SULF1: variants seen among roughly 807,000 people sequenced by gnomAD.
SULF1 encodes the protein sulfatase 1.
In SULF1, 46 loss-of-function variants were observed where a neutral mutation model predicts 110.5. That is an observed-to-expected ratio of 0.42 (90% CI 0.33 to 0.53). SULF1 has a LOEUF of 0.53. Among genes scored for constraint, SULF1 ranks in the 20% least tolerant of loss-of-function variants. The probability of loss-of-function intolerance (pLI) is 0.12; values close to 1 mark genes in which losing one functional copy is unlikely to be tolerated. For synonymous variants in SULF1, 371 were observed against 387.1 expected, an observed-to-expected ratio of 0.96 and a Z score of 0.49; for missense variants, 941 against 1,094.2, an observed-to-expected ratio of 0.86 and a Z score of 1.98.
chr8:69,528,725 G>C (rs1309596812), intron 3 of SULF1, among the ~76,000 whole-genome samples: 3 of 152,200 alleles, frequency 2.0e-5, no homozygotes, highest in African/African-American at 7.2e-5. Context: ...CATTAGTCCT[G>C]ATGAGACATA....
Position 69,499,916 on chromosome 8 carries a change from G to T in SULF1, c.-228-1958G>T, listed in dbSNP as rs534880077. 6.6e-5 allele frequency among the ~76,000 whole-genome samples: 10 copies of T among 151,974 alleles called. No homozygotes were observed. In the East Asian group the frequency reaches 1.7e-3, roughly 26 times the overall value. On this transcript the variant is annotated intron_variant, in intron 2 of 22. Coordinates refer to ENST00000402687, the MANE Select transcript of SULF1 (RefSeq NM_001128205.2). The stretch of plus-strand genomic sequence containing the variant: ...AGGTGCACACCACCACACCCAGCTA[G>T]TTTTTAAATTTTTTGGTTGAGATGA...
intron 3 of SULF1, among the ~76,000 whole-genome samples, chr8:69,528,370 A>G (rs1345681601): frequency 6.6e-6 from 1 of 152,182 alleles, no homozygotes; most frequent in Non-Finnish European, 1.5e-5. Flanking sequence ...CACTACCCAA[A>G]TAGGAATGGG....
intron 8 of SULF1, among the ~76,000 whole-genome samples, chr8:69,598,136 T>C (rs967384256): frequency 3.3e-5 from 5 of 152,050 alleles, no homozygotes; most frequent in African/African-American, 1.2e-4. Context: ...GGGGGACCAT[T>C]TGGTTAACGA....
intron 3 of SULF1, among the ~76,000 whole-genome samples, chr8:69,511,714 CATT>C (rs1563483189): frequency 6.6e-6 from 1 of 152,226 alleles, no homozygotes; most frequent in African/African-American, 2.4e-5. Context: ...ACTGACACAT[CATT>C]GTCACCCAGA....
intron 19 of SULF1, among the ~76,000 whole-genome samples, chr8:69,636,600 T>C (rs900973053): frequency 6.6e-6 from 1 of 152,156 alleles, no homozygotes; most frequent in African/African-American, 2.4e-5. Context: ...TTCTACGTTC[T>C]GCTGGTTGTG....
intron 17 of SULF1, 38 bp downstream of exon 17, chr8:69,627,904 C>T: frequency 6.7e-7 from 1 of 1,491,154 alleles, no homozygotes; most frequent in Admixed American, 1.7e-5. Flanking sequence ...TTTCCAAATT[C>T]ATTTCCGCAC....
rs115926615 is a variant in SULF1, at chr8:69,547,864, T to C, written c.-133-15675T>C. Among the ~76,000 whole-genome samples, 1,035 of 152,216 alleles carry C rather than the reference T, an allele frequency of 6.8e-3. 13 individuals carry two copies. The highest frequency in any genetic ancestry group is 0.024 in the African/African-American group (1,000 of 41,530). On this transcript the variant is annotated intron_variant, in intron 3 of 22. Coordinates refer to ENST00000402687, the MANE Select transcript of SULF1 (RefSeq NM_001128205.2). Reference sequence around the variant, plus strand: ...TTTCTCGAAGTTAGAATAAATGGAATTGAACAAATTGCAGGTAGTGTTAAT... The same window carrying C: ...TTTCTCGAAGTTAGAATAAATGGAACTGAACAAATTGCAGGTAGTGTTAAT...
At chr8:69,552,923 A>G (rs2150696559) in intron 3 of SULF1, among the ~76,000 whole-genome samples, 1 of 152,372 alleles carries the variant, frequency 6.6e-6, no homozygotes, top group South Asian at 2.1e-4. Flanking sequence ...GAATTTCCTA[A>G]TCTTAAATCT....
chr8:69,479,246 T>C (rs1464380590), intron 1 of SULF1, among the ~76,000 whole-genome samples: 2 of 152,224 alleles, frequency 1.3e-5, no homozygotes, highest in South Asian at 2.1e-4. Context: ...TCTTGAGAGC[T>C]GAACTGAGGA....
intron 3 of SULF1, among the ~76,000 whole-genome samples, chr8:69,558,139 G>T (rs1322863136): frequency 6.6e-6 from 1 of 152,162 alleles, no homozygotes; most frequent in Non-Finnish European, 1.5e-5. Context: ...AAGAAAAGAA[G>T]TAATCTCTGG....
At chr8:69,642,336 A>T in intron 22 of SULF1, 1 of 987,328 alleles carries the variant, frequency 1.0e-6, no homozygotes, top group Non-Finnish European at 1.2e-6. Context: ...AAATGACAAC[A>T]GGAAAGGTGA....
intron 3 of SULF1, among the ~76,000 whole-genome samples, chr8:69,546,263 G>A (rs1814253121): frequency 6.6e-6 from 1 of 152,214 alleles, no homozygotes; most frequent in South Asian, 2.1e-4. Flanking sequence ...TAACAGAAAT[G>A]AGATGAGTTC....
rs564484600 is a variant in SULF1, at chr8:69,644,035, C to G, written c.2585+3194C>G. Among the ~76,000 whole-genome samples the G allele has an allele frequency of 2.8e-4, 43 of 152,302 alleles. 1 individual carries two copies. The highest frequency in any genetic ancestry group is 2.7e-3 in the Admixed American group (42 of 15,286). ...AGGCGGTCAGTTCTTGGCAGCCTTC[C>G]TCTGGCAGGGCTGCTTCCTGATCCT... On this transcript the variant is annotated intron_variant, in intron 22 of 22. Transcript: ENST00000402687.
chr8:69,497,376 T>G (rs1407196736), intron 2 of SULF1, among the ~76,000 whole-genome samples: 1 of 152,032 alleles, frequency 6.6e-6, no homozygotes, highest in Non-Finnish European at 1.5e-5. Context: ...CAGGCTGATC[T>G]CAAACTCCTG....
At chr8:69,512,542 T>C (rs77612576) in intron 3 of SULF1, among the ~76,000 whole-genome samples, 149 of 152,330 alleles carry the variant, frequency 9.8e-4, no homozygotes, top group African/African-American at 3.4e-3. Context: ...GGGTCCCAGA[T>C]TGCCTTTCTG....
intron 3 of SULF1, among the ~76,000 whole-genome samples, chr8:69,540,243 A>G (rs1813768529): frequency 6.6e-6 from 1 of 152,236 alleles, no homozygotes; most frequent in Non-Finnish European, 1.5e-5. Context: ...AATGAGATAA[A>G]GACACTAATA....
Position 69,640,812 on chromosome 8 carries a change from T to A in SULF1, c.2556T>A (p.Asn852Lys). 1.2e-6 allele frequency: 2 copies of A among 1,611,714 alleles called. No homozygotes were observed. Among genetic ancestry groups the A allele is most frequent in the South Asian group, 1.1e-5 (1 of 90,518 alleles). Reference sequence around the variant, plus strand: ...TCTTGTATTTTCCTATATCAGGAAATAAAGATGGAGGAAGCTATGACCTAC... The same window carrying A: ...TCTTGTATTTTCCTATATCAGGAAAAAAAGATGGAGGAAGCTATGACCTAC... ...NPRPKNLDVGNKDGGSYDLHR... is the reference protein window; with the variant it reads ...NPRPKNLDVGKKDGGSYDLHR... The change falls in exon 22 of 23, where the codon AAT becomes AAA. Residue 852 changes from asparagine (N) to lysine (K), a missense_variant. By Grantham distance (94) the Asn-to-Lys change is moderately conservative (BLOSUM62 0). Transcript: ENST00000402687.
intron 3 of SULF1, among the ~76,000 whole-genome samples, chr8:69,549,540 T>G (rs1814537480): frequency 7.1e-6 from 1 of 141,190 alleles, no homozygotes; most frequent in East Asian, 2.5e-4. Flanking sequence ...TGGCCTCATC[T>G]CCTTGAAGTT....
At chr8:69,653,906 G>A (rs530026764) in intron 22 of SULF1, among the ~76,000 whole-genome samples, 188 of 152,270 alleles carry the variant, frequency 1.2e-3, no homozygotes, top group Non-Finnish European at 2.0e-3. Flanking sequence ...CATGAACCCC[G>A]TAGTGAGAAG....
Sources: gnomAD v4.1 joint callset for allele counts (sites outside exome capture counted in the v4.1 genomes callset) on GRCh38, gnomAD v4.1.1 for gene constraint, MANE v1.5 for transcripts, NCBI Gene and HGNC (gene_info 2026-07-23, HGNC 2026-07-21) for gene names.